Variants in MYOM1 observed in about 807,000 individuals in gnomAD.
The protein encoded by MYOM1 is myomesin 1, also known as myomesin-1.
MYOM1 carries 164 observed loss-of-function variants against 205.3 expected under a neutral mutation model. The ratio of observed to expected loss-of-function variants is 0.80; its 90% confidence interval spans 0.70 to 0.91. The LOEUF (loss-of-function observed/expected upper bound fraction) is 0.91. MYOM1 is among the 40% of genes least tolerant of loss of function. The pLI, the probability that MYOM1 is intolerant of heterozygous loss-of-function variation, is 0.00. For synonymous variants in MYOM1, 772 were observed against 789.4 expected (o/e 0.98, Z 0.37); for missense variants, 2,011 against 2,127.3 (o/e 0.95, Z 1.08).
At chr18:3,068,764 G>A (rs376732235) in intron 37 of MYOM1, among the ~76,000 whole-genome samples, 3 of 152,070 alleles carry the variant, frequency 2.0e-5, no homozygotes, top group Admixed American at 6.6e-5. Flanking sequence ...GTTTATGCCC[G>A]TAAGGGTCAT....
chr18:3,163,814 TTTTC>T (rs937897654), intron 10 of MYOM1, among the ~76,000 whole-genome samples: 3 of 151,168 alleles, frequency 2.0e-5, no homozygotes, highest in Non-Finnish European at 4.4e-5. Context: ...TTCCTTTTTC[TTTTC>T]TTTCTTTTTT....
At chr18:3,192,931 A>G (rs1386144980) in intron 3 of MYOM1, among the ~76,000 whole-genome samples, 2 of 152,072 alleles carry the variant, frequency 1.3e-5, no homozygotes, top group Non-Finnish European at 2.9e-5. Context: ...GATAACCAAG[A>G]TATTTTTCAG....
intron 21 of MYOM1, among the ~76,000 whole-genome samples, chr18:3,113,316 ATATATATATATATATATATG>A (rs144332688): frequency 0.83 from 117,810 of 142,674 alleles, 48,132 homozygotes; most frequent in East Asian, 0.98. Context: ...ATATATATAT[ATATATATATATATATATATG>A]TATGTATTTC....
chr18:3,151,796 T>C lies in MYOM1; in HGVS notation c.1741A>G (p.Ile581Val). 2.5e-6 allele frequency: 4 copies of C among 1,613,964 alleles called. No homozygotes were observed. Among genetic ancestry groups the C allele is most frequent in the Non-Finnish European group, 3.4e-6 (4 of 1,179,874 alleles). Reference protein sequence around the residue: ...VTGLIEGRSYIFRVRAVNKMG... With the variant: ...VTGLIEGRSYVFRVRAVNKMG... ...TTATTCACAGCTCGAACTCGGAAGA[T>C]ATAGGAACGACCTTCGATCAATCCA... The change falls in exon 12 of 38, where the codon ATC (isoleucine) becomes GTC (valine). Residue 581 changes from isoleucine (I) to valine (V), a missense_variant. Physicochemically the swap from Ile to Val is conservative, Grantham distance 29. Transcript: ENST00000356443.
intron 21 of MYOM1, among the ~76,000 whole-genome samples, chr18:3,112,727 C>G (rs78964507): frequency 6.6e-6 from 1 of 152,166 alleles, no homozygotes; most frequent in Non-Finnish European, 1.5e-5. Flanking sequence ...GTGTCACATG[C>G]GTTAGCCACT....
intron 22 of MYOM1, among the ~76,000 whole-genome samples, chr18:3,110,752 T>G (rs937029331): frequency 7.9e-5 from 12 of 151,406 alleles, no homozygotes; most frequent in African/African-American, 2.9e-4. Flanking sequence ...TTTTTTTTTT[T>G]TTTAGAATAT....
chr18:3,144,977 G>A (rs2080104088), intron 13 of MYOM1, among the ~76,000 whole-genome samples: 1 of 152,072 alleles, frequency 6.6e-6, no homozygotes, highest in Admixed American at 6.5e-5. Flanking sequence ...CAACTAACTT[G>A]ACCTAATTAA....
intron 36 of MYOM1, among the ~76,000 whole-genome samples, chr18:3,072,973 A>ATTTTT (rs770278592): frequency 9.8e-5 from 10 of 102,438 alleles, no homozygotes; most frequent in African/African-American, 1.9e-4. Flanking sequence ...AGATGTAAGC[A>ATTTTT]TTTTTTTTTT....
the MYOM1 span, among the ~76,000 whole-genome samples, chr18:3,227,751 G>A: frequency 7.2e-5 from 11 of 152,050 alleles, no homozygotes; most frequent in Non-Finnish European, 1.3e-4. Flanking sequence ...CCCAGCAGGC[G>A]GAGGTTGCAG....
At chr18:3,198,340 T>C (rs1474832457) in intron 2 of MYOM1, among the ~76,000 whole-genome samples, 1 of 152,204 alleles carries the variant, frequency 6.6e-6, no homozygotes, top group Admixed American at 6.5e-5. Flanking sequence ...CCCATCCTTA[T>C]GTGTTCAGGG....
chr18:3,193,294 A>G (rs1039498533), intron 3 of MYOM1, among the ~76,000 whole-genome samples: 1 of 149,180 alleles, frequency 6.7e-6, no homozygotes, highest in African/African-American at 2.5e-5. Context: ...ATATATATAC[A>G]TATACATACA....
At chr18:3,205,398 T>A (rs1432979687) in intron 2 of MYOM1, among the ~76,000 whole-genome samples, 2 of 152,024 alleles carry the variant, frequency 1.3e-5, no homozygotes, top group Non-Finnish European at 2.9e-5. Context: ...AATTAAAAAA[T>A]GGGCAAAACA....
Position 3,135,051 on chromosome 18 carries a change from C to T in MYOM1, c.2210-227G>A, listed in dbSNP as rs2079935958. ...GCAGCCCCCACCTCCTGGGTTCAGG[C>T]AATTTTCCCACCTCAGCCTCCTGAG... On this transcript the variant is annotated intron_variant, in intron 15 of 37. Coordinates refer to ENST00000356443, the MANE Select transcript of MYOM1 (RefSeq NM_003803.4). This position sits in a 1 kb window ranked among gnomAD's most constrained non-coding sequence, Gnocchi z 4.1. 2 of 459,514 alleles carry T rather than the reference C, an allele frequency of 4.4e-6. No individual in the cohort carries two copies. Among genetic ancestry groups the T allele is most frequent in the Non-Finnish European group, 7.9e-6 (2 of 253,194 alleles). The allele number at this position is 459,514 out of a possible 1,614,324, so 28.5% of individuals were successfully genotyped here.
intron 19 of MYOM1, among the ~76,000 whole-genome samples, chr18:3,121,402 C>A (rs1038351904): frequency 1.3e-5 from 2 of 152,050 alleles, no homozygotes; most frequent in African/African-American, 2.4e-5. Context: ...AGAAAAAAGG[C>A]AAATTACCCT....
chr18:3,170,138 G>A (rs2080535173), intron 8 of MYOM1, among the ~76,000 whole-genome samples: 1 of 152,140 alleles, frequency 6.6e-6, no homozygotes, highest in African/African-American at 2.4e-5. Context: ...GTTACCAGAG[G>A]CTGGGAACTG....
chr18:3,101,580 T>C (rs1359517194), intron 23 of MYOM1, among the ~76,000 whole-genome samples: 4 of 152,204 alleles, frequency 2.6e-5, no homozygotes, highest in Admixed American at 6.5e-5. Flanking sequence ...TTTCTTCCCA[T>C]GTACTATTGT....
At chr18:3,147,001 AAAC>A (rs1372408832) in intron 13 of MYOM1, among the ~76,000 whole-genome samples, 1 of 147,728 alleles carries the variant, frequency 6.8e-6, no homozygotes, top group African/African-American at 2.5e-5. Flanking sequence ...TTAAAATAAA[AAAC>A]AATACCATTT....
intron 2 of MYOM1, among the ~76,000 whole-genome samples, chr18:3,200,715 AAAAGAGC>A (rs2081054862): frequency 3.9e-5 from 6 of 152,172 alleles, no homozygotes; most frequent in Admixed American, 3.9e-4. Context: ...AAGAAAAATT[AAAAGAGC>A]CTCAGAAACG....
intron 16 of MYOM1, among the ~76,000 whole-genome samples, chr18:3,132,398 C>G (rs1198996749): frequency 6.6e-6 from 1 of 152,062 alleles, no homozygotes; most frequent in African/African-American, 2.4e-5. Flanking sequence ...GATCCACCCA[C>G]CTCGGCCTCC....
Sources: gnomAD v4.1 joint callset for allele counts (sites outside exome capture counted in the v4.1 genomes callset) on GRCh38, gnomAD v4.1.1 for gene constraint, Gnocchi (gnomAD v3.1) non-coding constraint, MANE v1.5 for transcripts, NCBI Gene and HGNC (gene_info 2026-07-23, HGNC 2026-07-21) for gene names.